SHANK2: variants seen among roughly 807,000 people sequenced by gnomAD.
SHANK2 encodes the protein SH3 and multiple ankyrin repeat domains protein 2.
In SHANK2, 43 loss-of-function variants were observed where a neutral mutation model predicts 133.7. That is an observed-to-expected ratio of 0.32 (90% CI 0.25 to 0.41). SHANK2 has a LOEUF of 0.41. Ranked by LOEUF, SHANK2 falls within the 10% of genes least tolerant of loss-of-function variation. The pLI is 1.00. For missense variants in SHANK2, 1,994 were observed against 2,235.8 expected, an observed-to-expected ratio of 0.89 and a Z score of 2.18; for synonymous variants, 1,017 against 952.8, an observed-to-expected ratio of 1.07 and a Z score of -1.24.
chr11:70,588,241 C>A (rs976531561), intron 17 of SHANK2, among the ~76,000 whole-genome samples: 2 of 152,076 alleles, frequency 1.3e-5, no homozygotes, highest in Non-Finnish European at 2.9e-5. Flanking sequence ...GAAATAAGGC[C>A]AATTAATGAT....
In SHANK2 at chr11:70,739,795, G is replaced by A. The variant is rs568102662; in HGVS notation, c.1778-41032C>T. Among the ~76,000 whole-genome samples the A allele has an allele frequency of 6.6e-6, 1 of 152,334 alleles. No individual in the cohort carries two copies. Among genetic ancestry groups the A allele is most frequent in the South Asian group, 2.1e-4 (1 of 4,826 alleles). ...AGGTACTGTGATGGGCCCTCATCCA[G>A]CATGACAGTGTCTTTGTAAGACAAG... On this transcript the variant is annotated intron_variant, in intron 14 of 25. Coordinates refer to ENST00000601538, the MANE Select transcript of SHANK2 (RefSeq NM_012309.5). The surrounding 1 kb of genome is among the most constrained non-coding windows in gnomAD (Gnocchi z 4.3).
chr11:70,870,614 C>T (rs1263885544), intron 11 of SHANK2, among the ~76,000 whole-genome samples: 1 of 152,142 alleles, frequency 6.6e-6, no homozygotes, highest in Non-Finnish European at 1.5e-5. Context: ...ACACTGGGGA[C>T]TGCAGGGAGA....
chr11:71,226,071 G>A (rs1159168714), intron 1 of SHANK2, among the ~76,000 whole-genome samples: 1 of 152,208 alleles, frequency 6.6e-6, no homozygotes, highest in Non-Finnish European at 1.5e-5. Flanking sequence ...GCAGTGAGCT[G>A]AGATCATGCC....
chr11:71,085,626 T>TAA (rs1590894162), intron 8 of SHANK2, among the ~76,000 whole-genome samples: 5 of 68,058 alleles, frequency 7.3e-5, no homozygotes, highest in Non-Finnish European at 1.0e-4. Context: ...ATATTATATA[T>TAA]TATAATATAT....
At position 70,486,893 on chromosome 11, in the gene SHANK2, C is replaced by T; in HGVS notation, c.3400G>A (p.Asp1134Asn). Residue 1134 changes from aspartate (D) to asparagine (N), a missense_variant, in exon 25 of 26, where the codon GAC (aspartate) becomes AAC (asparagine). Asp to Asn is a conservative substitution (Grantham distance 23). This residue lies in a region of SHANK2 where 797 missense variants were observed against 907.4 expected (regional missense o/e 0.88). Transcript: ENST00000601538. The surrounding 1 kb of genome is among the most constrained non-coding windows in gnomAD (Gnocchi z 8.0). Reference protein sequence around the residue: ...SMFPEEGDFADEDSAEQLSSP... With the variant: ...SMFPEEGDFANEDSAEQLSSP... ...GACAGCTGCTCAGCGCTGTCCTCGT[C>T]AGCAAAATCCCCCTCCTCGGGGAAC... 6.2e-7 allele frequency: 1 copy of T among 1,612,690 alleles called. No individual in the cohort carries two copies. The highest frequency in any genetic ancestry group is 8.5e-7 in the Non-Finnish European group (1 of 1,179,856).
intron 11 of SHANK2, chr11:70,865,129 T>C (rs1949332029): frequency 1.3e-5 from 2 of 152,218 alleles, no homozygotes; most frequent in African/African-American, 2.4e-5. Flanking sequence ...ATCTAGTTCA[T>C]GGTACTTTGC....
At chr11:70,640,197 ATTAAG>A (rs540423527) in intron 17 of SHANK2, among the ~76,000 whole-genome samples, 316 of 152,322 alleles carry the variant, frequency 2.1e-3, no homozygotes, top group Non-Finnish European at 3.5e-3. Context: ...CACAGACATA[ATTAAG>A]TTAAGGACCT....
At chr11:70,893,994 TCGC>T (rs1555075206) in intron 11 of SHANK2, among the ~76,000 whole-genome samples, 1 of 152,192 alleles carries the variant, frequency 6.6e-6, no homozygotes, top group African/African-American at 2.4e-5. Flanking sequence ...TAAAATGTAT[TCGC>T]CCAACAAATG....
intron 15 of SHANK2, among the ~76,000 whole-genome samples, chr11:70,691,974 C>A (rs782560165): frequency 1.9e-4 from 29 of 152,146 alleles, no homozygotes; most frequent in African/African-American, 4.3e-4. Context: ...CTTGCCCTGC[C>A]CCAAACTATG....
chr11:70,623,811 C>T (rs531758362), intron 17 of SHANK2, among the ~76,000 whole-genome samples: 31 of 152,262 alleles, frequency 2.0e-4, no homozygotes, highest in African/African-American at 7.2e-4. Context: ...GAAAGTTCTA[C>T]CAGACAGAGT....
intron 10 of SHANK2, among the ~76,000 whole-genome samples, chr11:70,927,682 T>G (rs1255072639): frequency 6.6e-6 from 1 of 152,172 alleles, no homozygotes; most frequent in Non-Finnish European, 1.5e-5. Context: ...TCACCTTGAC[T>G]GAGTTCCAGG....
At chr11:70,635,819 G>C (rs117446868) in intron 17 of SHANK2, among the ~76,000 whole-genome samples, 3,912 of 152,030 alleles carry the variant, frequency 0.026, 71 homozygotes, top group Non-Finnish European at 0.04. Flanking sequence ...TTGGGGGCCA[G>C]CTCTCCACAA....
chr11:71,075,504 T>G (rs1461267245), intron 8 of SHANK2, among the ~76,000 whole-genome samples: 1 of 152,148 alleles, frequency 6.6e-6, no homozygotes, highest in Admixed American at 6.5e-5. Context: ...ATGGTGGGAT[T>G]GGGGACTGGT....
intron 10 of SHANK2, among the ~76,000 whole-genome samples, chr11:70,911,302 G>A (rs1337619509): frequency 6.6e-6 from 1 of 151,396 alleles, no homozygotes; most frequent in Non-Finnish European, 1.5e-5. Flanking sequence ...GTTGCAGTGA[G>A]CCAAGATCAC....
intron 3 of SHANK2, among the ~76,000 whole-genome samples, chr11:71,123,694 T>C (rs1175711535): frequency 3.3e-5 from 5 of 152,208 alleles, no homozygotes; most frequent in Non-Finnish European, 5.9e-5. Flanking sequence ...AGGTGGCTAT[T>C]CCTTTATAAT....
intron 9 of SHANK2, among the ~76,000 whole-genome samples, chr11:71,071,336 T>A (rs1158377127): frequency 6.6e-6 from 1 of 152,216 alleles, no homozygotes; most frequent in East Asian, 1.9e-4. Flanking sequence ...ATCAATGTGC[T>A]TTCTTTGAGT....
At chr11:70,854,097 T>C (rs963543069) in intron 11 of SHANK2, among the ~76,000 whole-genome samples, 2 of 152,210 alleles carry the variant, frequency 1.3e-5, no homozygotes, top group African/African-American at 4.8e-5. Flanking sequence ...AGTGATTCAC[T>C]TGGGGAGTGG....
At chr11:71,127,985 A>G (rs1397125465) in intron 3 of SHANK2, among the ~76,000 whole-genome samples, 12 of 151,620 alleles carry the variant, frequency 7.9e-5, no homozygotes, top group Admixed American at 1.3e-4. Context: ...CTGGAGCCCC[A>G]CTCTCCTTTC....
chr11:70,849,923 A>T (rs1949057754), intron 11 of SHANK2, among the ~76,000 whole-genome samples: 1 of 152,156 alleles, frequency 6.6e-6, no homozygotes, highest in Admixed American at 6.5e-5. Flanking sequence ...GTGTTAGGTG[A>T]CCATTACACC....
Sources: allele counts gnomAD v4.1 joint callset (sites outside exome capture counted in the v4.1 genomes callset), GRCh38; gene constraint gnomAD v4.1.1; regional missense constraint gnomAD v4.1.1; non-coding constraint Gnocchi (gnomAD v3.1); transcripts MANE v1.5; gene names NCBI Gene and HGNC (gene_info 2026-07-23, HGNC 2026-07-21).